The following PCDH9 variants were observed in gnomAD, a reference collection of about 807,000 sequenced individuals.
PCDH9 encodes the protein protocadherin 9.
In PCDH9, 24 loss-of-function variants were observed where a neutral mutation model predicts 70.6. That is an observed-to-expected ratio of 0.34 (90% CI 0.25 to 0.48). The LOEUF (loss-of-function observed/expected upper bound fraction) is 0.48. PCDH9 is among the 20% of genes least tolerant of loss of function. PCDH9 has a pLI of 0.99. For synonymous variants in PCDH9, 562 were observed against 558.5 expected, an observed-to-expected ratio of 1.01 and a Z score of -0.09; for missense variants, 1,281 against 1,503.6, an observed-to-expected ratio of 0.85 and a Z score of 2.45.
intron 4 of PCDH9, among the ~76,000 whole-genome samples, chr13:66,443,398 G>A (rs1353581621): frequency 6.6e-6 from 1 of 151,998 alleles, no homozygotes; most frequent in African/African-American, 2.4e-5. Flanking sequence ...AATGTTTGAG[G>A]TTTTATGTTT....
rs185769592 is a variant in PCDH9 at position 67,174,529 on chromosome 13, C to T, written c.3036+50876G>A. On this transcript the variant is annotated intron_variant, in intron 2 of 4. Transcript: ENST00000377865. ...TAAAGCTGCATTCGTCAGGTGAGCA[C>T]GAGTGACGTGAGATAAGATTATGTG... 1.1e-3 allele frequency among the ~76,000 whole-genome samples: 168 copies of T among 152,184 alleles called. 2 individuals are homozygous for T. The highest frequency in any genetic ancestry group is 3.7e-3 in the African/African-American group (153 of 41,520).
At chr13:66,590,774 C>T (rs915387191) in intron 4 of PCDH9, among the ~76,000 whole-genome samples, 8 of 151,838 alleles carry the variant, frequency 5.3e-5, no homozygotes, top group South Asian at 2.1e-4. Context: ...AGTAAGTGCA[C>T]GTCTTTAACT....
chr13:66,348,379 A>G (rs538643372), intron 4 of PCDH9, among the ~76,000 whole-genome samples: 4 of 136,504 alleles, frequency 2.9e-5, no homozygotes, highest in African/African-American at 1.1e-4. Flanking sequence ...AATTTCAACA[A>G]CAAAAAGTAA....
At chr13:66,483,932 CAAT>C (rs1958891349) in intron 4 of PCDH9, among the ~76,000 whole-genome samples, 4 of 152,036 alleles carry the variant, frequency 2.6e-5, no homozygotes, top group Admixed American at 1.3e-4. Context: ...TGTTGTATGG[CAAT>C]CGGACATCGA....
chr13:67,218,595 A>T (rs2089658337), intron 2 of PCDH9: 1 of 152,076 alleles, frequency 6.6e-6, no homozygotes, highest in Non-Finnish European at 1.5e-5. Context: ...ATAGAGAGAC[A>T]AACTATAGAA....
intron 4 of PCDH9, among the ~76,000 whole-genome samples, chr13:66,448,661 A>T (rs1262899770): frequency 6.6e-6 from 1 of 152,214 alleles, no homozygotes; most frequent in Non-Finnish European, 1.5e-5. Context: ...GGGCTAACAA[A>T]GGCAAATTAG....
chr13:67,216,344 A>G lies in PCDH9; in HGVS notation c.3036+9061T>C, dbSNP rs551324314. On this transcript the variant is annotated intron_variant, in intron 2 of 4. Transcript: ENST00000377865. ...AGTTTATGTCATACTAAAATATCCT[A>G]AAAATTGTGTCAATTTTTACTATGG... The G allele has an allele frequency of 4.6e-5, 7 of 152,158 alleles. No homozygotes were observed. The South Asian group carries it at 1.5e-3, about 32-fold the overall frequency. The allele number at this position is 152,158 out of a possible 1,614,324, so 9.4% of individuals were successfully genotyped here. A position where few individuals can be genotyped will look rare whatever the true frequency, so the allele number is the denominator to read the frequency against.
chr13:66,870,389 G>A (rs2081655381), intron 3 of PCDH9, among the ~76,000 whole-genome samples: 1 of 151,962 alleles, frequency 6.6e-6, no homozygotes, highest in African/African-American at 2.4e-5. Context: ...TGACAAATGG[G>A]ATCTAATTAA....
At chr13:66,815,163 G>T (rs1434526625) in intron 3 of PCDH9, among the ~76,000 whole-genome samples, 2 of 152,034 alleles carry the variant, frequency 1.3e-5, no homozygotes, top group Non-Finnish European at 2.9e-5. Context: ...ACAAGCATAT[G>T]AAAAAACATG....
intron 3 of PCDH9, among the ~76,000 whole-genome samples, chr13:66,877,579 G>C (rs2081840495): frequency 6.6e-6 from 1 of 152,074 alleles, no homozygotes; most frequent in East Asian, 1.9e-4. Flanking sequence ...CCTGCATTCT[G>C]CCCATTCTGA....
At chr13:67,104,011 A>T (rs2086486540) in intron 2 of PCDH9, among the ~76,000 whole-genome samples, 1 of 152,192 alleles carries the variant, frequency 6.6e-6, no homozygotes. Context: ...TTACATATAC[A>T]AAGTAAGGCC....
At chr13:67,107,205 C>T (rs1019485117) in intron 2 of PCDH9, among the ~76,000 whole-genome samples, 3 of 151,454 alleles carry the variant, frequency 2.0e-5, no homozygotes, top group Admixed American at 2.0e-4. Flanking sequence ...CCATGGCCAC[C>T]CATGGGCCAA....
At chr13:67,141,302 A>T (rs1424197248) in intron 2 of PCDH9, among the ~76,000 whole-genome samples, 1 of 152,080 alleles carries the variant, frequency 6.6e-6, no homozygotes, top group Non-Finnish European at 1.5e-5. Flanking sequence ...AGAAAGGGAA[A>T]TGGGGCCGAG....
At chr13:66,382,686 C>G (rs1342888898) in intron 4 of PCDH9, among the ~76,000 whole-genome samples, 8 of 152,140 alleles carry the variant, frequency 5.3e-5, no homozygotes, top group Admixed American at 3.3e-4. Flanking sequence ...TCTGATTTTT[C>G]TATAACTCAA....
chr13:67,148,573 C>CT (rs1055678572), intron 2 of PCDH9, among the ~76,000 whole-genome samples: 1 of 151,922 alleles, frequency 6.6e-6, no homozygotes, highest in Non-Finnish European at 1.5e-5. Flanking sequence ...AAGCCAACTT[C>CT]TTTTTTTTAA....
At chr13:66,775,335 G>C (rs2079873839) in intron 3 of PCDH9, among the ~76,000 whole-genome samples, 1 of 152,124 alleles carries the variant, frequency 6.6e-6, no homozygotes, top group Non-Finnish European at 1.5e-5. Flanking sequence ...AGCAAAACAA[G>C]GCTTTGTTAA....
intron 3 of PCDH9, among the ~76,000 whole-genome samples, chr13:66,672,438 G>A (rs2078188451): frequency 6.6e-6 from 1 of 152,184 alleles, no homozygotes; most frequent in East Asian, 1.9e-4. Flanking sequence ...TGTGCTATGG[G>A]GAAGAGCCCT....
chr13:66,889,933 T>C (rs1437462387), intron 3 of PCDH9, among the ~76,000 whole-genome samples: 4 of 152,162 alleles, frequency 2.6e-5, no homozygotes, highest in African/African-American at 9.7e-5. Context: ...TTTGGATATA[T>C]TGGTGTATTG....
In PCDH9 at chr13:66,885,169, C is replaced by G. The variant is rs2081986725; in HGVS notation, c.3138+18335G>C. ...TCTCCTAGTACTCTCTGATGTTCTG[C>G]TCAAATTACACAATTTCCTTGAGAC... On this transcript the variant is annotated intron_variant, in intron 3 of 4. Coordinates refer to ENST00000377865, the MANE Select transcript of PCDH9 (RefSeq NM_203487.3). Among the ~76,000 whole-genome samples, 2 of 152,218 alleles carry G rather than the reference C, an allele frequency of 1.3e-5. 1 individual carries two copies. The highest frequency in any genetic ancestry group is 4.1e-4 in the South Asian group (2 of 4,824).
Sources: allele counts gnomAD v4.1 joint callset (sites outside exome capture counted in the v4.1 genomes callset), GRCh38; gene constraint gnomAD v4.1.1; transcripts MANE v1.5; gene names NCBI Gene and HGNC (gene_info 2026-07-23, HGNC 2026-07-21).